Variants in ARHGAP35 observed in about 807,000 individuals in gnomAD.
The protein encoded by ARHGAP35 is Rho GTPase activating protein 35.
Under a neutral mutation model 111.1 loss-of-function variants are expected in ARHGAP35, and 15 were observed. The observed-to-expected ratio is 0.13, with a 90% CI of 0.09 to 0.21. ARHGAP35 has a LOEUF of 0.21. ARHGAP35 is among the 10% of genes least tolerant of loss of function. The pLI, the probability that ARHGAP35 is intolerant of heterozygous loss-of-function variation, is 1.00. For missense variants in ARHGAP35, 1,262 were observed against 1,873.0 expected (o/e 0.67, Z 6.02); for synonymous variants, 643 against 710.3 (o/e 0.91, Z 1.51).
intron 1 of ARHGAP35, among the ~76,000 whole-genome samples, chr19:46,867,931 A>G (rs2122855395): frequency 6.6e-6 from 1 of 152,290 alleles, no homozygotes; most frequent in East Asian, 1.9e-4. Flanking sequence ...CAGTGGCGAG[A>G]TCTCAGCTCA....
Position 46,920,017 on chromosome 19 carries a change from C to G in ARHGAP35, c.1342C>G (p.Pro448Ala), listed in dbSNP as rs776222838. 1 of 1,613,942 alleles carries G rather than the reference C, an allele frequency of 6.2e-7. No homozygotes were observed. The highest frequency in any genetic ancestry group is 8.5e-7 in the Non-Finnish European group (1 of 1,179,876). Residue 448 changes from proline to alanine, a missense_variant, in exon 2 of 7, where the codon CCC becomes GCC. By Grantham distance (27) the Pro-to-Ala change is conservative. Coordinates refer to ENST00000672722, the MANE Select transcript of ARHGAP35 (RefSeq NM_004491.5). The surrounding 1 kb of genome is among the most constrained non-coding windows in gnomAD (Gnocchi z 7.0). ...ENLETSPFIT[P>A]GKPWEEARSF... The stretch of plus-strand genomic sequence containing the variant: ...CCTGGAGACTTCTCCTTTCATAACT[C>G]CCGGAAAGCCTTGGGAAGAGGCCCG...
chr19:46,883,452 A>G (rs545328883), intron 1 of ARHGAP35, among the ~76,000 whole-genome samples: 21 of 152,308 alleles, frequency 1.4e-4, no homozygotes, highest in African/African-American at 4.8e-4. Flanking sequence ...GACAGAGATG[A>G]GGAGCAGTTA....
At chr19:46,870,202 G>C (rs2055880460) in intron 1 of ARHGAP35, among the ~76,000 whole-genome samples, 1 of 151,376 alleles carries the variant, frequency 6.6e-6, no homozygotes, top group African/African-American at 2.4e-5. Flanking sequence ...GCCCACCTCT[G>C]CCTCCCAAAG....
intron 3 of ARHGAP35, among the ~76,000 whole-genome samples, chr19:46,966,017 T>C (rs2056513178): frequency 6.6e-6 from 1 of 152,176 alleles, no homozygotes; most frequent in Non-Finnish European, 1.5e-5. Flanking sequence ...AAGGAAGTAT[T>C]AGTTGGAAAC....
chr19:46,921,776 A>G lies in ARHGAP35; in HGVS notation c.3101A>G (p.Asn1034Ser), dbSNP rs2056202528. 1 of 1,613,910 alleles carries G rather than the reference A, an allele frequency of 6.2e-7. No homozygotes were observed. The highest frequency in any genetic ancestry group is 1.3e-5 in the African/African-American group (1 of 74,934). ...FIMSNFESKL[N>S]NKVPPPVKPK... ...ATGAGCAATTTTGAGAGTAAACTGA[A>G]CAACAAAGTACCTCCGCCAGTCAAA... The change falls in exon 2 of 7, where the codon AAC becomes AGC. Residue 1034 changes from asparagine to serine, a missense_variant. Asn to Ser is a conservative substitution (Grantham distance 46). This residue lies in a region of ARHGAP35 where 579 missense variants were observed against 716.9 expected (regional missense o/e 0.81). Transcript: ENST00000672722. The surrounding 1 kb of genome is among the most constrained non-coding windows in gnomAD (Gnocchi z 4.3).
At chr19:46,957,060 C>T (rs1336922364) in intron 3 of ARHGAP35, among the ~76,000 whole-genome samples, 1 of 146,334 alleles carries the variant, frequency 6.8e-6, no homozygotes, top group African/African-American at 2.6e-5. Context: ...CTCCCGGGTT[C>T]ACACCATTCT....
intron 3 of ARHGAP35, among the ~76,000 whole-genome samples, chr19:46,941,876 T>TA (rs71179279): frequency 0.072 from 6,769 of 94,496 alleles, 383 homozygotes; most frequent in East Asian, 0.16. Flanking sequence ...CCTGTCTCTT[T>TA]AAAAAAAAAA....
chr19:46,946,727 T>G (rs1438943042), intron 3 of ARHGAP35: 2 of 151,708 alleles, frequency 1.3e-5, no homozygotes, highest in African/African-American at 2.4e-5. Context: ...TTTTGTTTTG[T>G]TTTTGTTTTT....
At chr19:46,944,387 A>G (rs1015474669) in intron 3 of ARHGAP35, among the ~76,000 whole-genome samples, 2 of 152,138 alleles carry the variant, frequency 1.3e-5, no homozygotes, top group Non-Finnish European at 2.9e-5. Flanking sequence ...AAAATTCTTT[A>G]TAATCCCAGT....
chr19:46,981,068 C>T (rs572727204), intron 3 of ARHGAP35, among the ~76,000 whole-genome samples: 18 of 152,326 alleles, frequency 1.2e-4, no homozygotes, highest in African/African-American at 4.3e-4. Flanking sequence ...ACCATAGATA[C>T]ACTGTTAGCA....
rs375395869 is a variant in ARHGAP35, at chr19:46,871,754, G to A, written c.-189+10545G>A. Among the ~76,000 whole-genome samples the A allele has an allele frequency of 6.8e-4, 104 of 152,012 alleles. No homozygotes were observed. In the South Asian group the frequency reaches 0.021, roughly 30 times the overall value. On this transcript the variant is annotated intron_variant, in intron 1 of 6. Coordinates refer to ENST00000672722, the MANE Select transcript of ARHGAP35 (RefSeq NM_004491.5). ...AGCACCTGGGGAGGCCTAGGCAGGC[G>A]GATCACTTGAGGTCGGGAGTTCGAG...
At chr19:46,974,331 C>CG (rs1428572249) in intron 3 of ARHGAP35, among the ~76,000 whole-genome samples, 1 of 152,212 alleles carries the variant, frequency 6.6e-6, no homozygotes, top group Non-Finnish European at 1.5e-5. Context: ...TACTGGGTGA[C>CG]TAACCAGAAG....
chr19:46,983,853 G>C (rs2056634676), intron 3 of ARHGAP35, among the ~76,000 whole-genome samples: 2 of 151,954 alleles, frequency 1.3e-5, no homozygotes, highest in Admixed American at 1.3e-4. Context: ...CTGACCTCGT[G>C]ATTCGCCCGC....
In ARHGAP35 at chr19:46,969,609, C is replaced by G. The variant is rs185739224; in HGVS notation, c.3827-18380C>G. Among the ~76,000 whole-genome samples the G allele has an allele frequency of 6.5e-4, 99 of 152,318 alleles. No homozygotes were observed. The East Asian group carries it at 0.011, about 17-fold the overall frequency. ...CCGCGTGAGCTGCGACACACAGACC[C>G]TTAGAGAGCACTTGCCTCCTGCAGA... On this transcript the variant is annotated intron_variant, in intron 3 of 6. Coordinates refer to ENST00000672722, the MANE Select transcript of ARHGAP35 (RefSeq NM_004491.5).
At chr19:46,914,771 A>T (rs1029511106) in intron 1 of ARHGAP35, among the ~76,000 whole-genome samples, 2 of 152,202 alleles carry the variant, frequency 1.3e-5, no homozygotes, top group African/African-American at 4.8e-5. Context: ...CAATATCTTT[A>T]TTTCTTGAGG....
At chr19:46,960,401 G>A (rs573354254) in intron 3 of ARHGAP35, among the ~76,000 whole-genome samples, 41 of 152,108 alleles carry the variant, frequency 2.7e-4, no homozygotes, top group East Asian at 5.8e-4. Flanking sequence ...TGTATGAGAC[G>A]GTAGGTGATA....
chr19:46,993,388 G>C lies in ARHGAP35; in HGVS notation c.4036+3713G>C, dbSNP rs976097122. Among the ~76,000 whole-genome samples, 2 of 152,264 alleles carry C rather than the reference G, an allele frequency of 1.3e-5. No homozygotes were observed. Among genetic ancestry groups the C allele is most frequent in the Non-Finnish European group, 2.9e-5 (2 of 68,048 alleles). Reference sequence around the variant, plus strand: ...GCTGGCAGCAGCAGACCCAGGCCTAGAGCTTGGTTGGCAGCCTGGCTGCCA... The same window carrying C: ...GCTGGCAGCAGCAGACCCAGGCCTACAGCTTGGTTGGCAGCCTGGCTGCCA... On this transcript the variant is annotated intron_variant, in intron 5 of 6. Coordinates refer to ENST00000672722, the MANE Select transcript of ARHGAP35 (RefSeq NM_004491.5). The surrounding 1 kb of genome is among the most constrained non-coding windows in gnomAD (Gnocchi z 4.6).
At chr19:46,968,917 T>C (rs1467272005) in intron 3 of ARHGAP35, among the ~76,000 whole-genome samples, 4 of 152,118 alleles carry the variant, frequency 2.6e-5, no homozygotes, top group African/African-American at 9.7e-5. Flanking sequence ...TGAAACCCTG[T>C]CTCTACTAAA....
chr19:46,969,560 C>T (rs1398199642), intron 3 of ARHGAP35, among the ~76,000 whole-genome samples: 1 of 152,194 alleles, frequency 6.6e-6, no homozygotes, highest in Admixed American at 6.5e-5. Flanking sequence ...GCACTAGTGT[C>T]TTCGGTGAAC....
Sources: allele counts gnomAD v4.1 joint callset (sites outside exome capture counted in the v4.1 genomes callset), GRCh38; gene constraint gnomAD v4.1.1; regional missense constraint gnomAD v4.1.1; non-coding constraint Gnocchi (gnomAD v3.1); transcripts MANE v1.5; gene names NCBI Gene and HGNC (gene_info 2026-07-23, HGNC 2026-07-21).